DTWD2: variants seen among roughly 807,000 people sequenced by gnomAD.
DTWD2 encodes DTW motif tRNA-uridine aminocarboxypropyltransferase 2, also known as tRNA-uridine aminocarboxypropyltransferase 2.
A neutral mutation model predicts 31.8 loss-of-function variants in DTWD2; 39 were observed. That is an observed-to-expected ratio of 1.22 (90% confidence interval 0.95 to 1.60). The LOEUF is 1.60. Ranked by LOEUF, DTWD2 falls within the 40% of genes most tolerant of loss-of-function variation. The pLI, the probability that DTWD2 is intolerant of heterozygous loss-of-function variation, is 0.00. For synonymous variants in DTWD2, 180 were observed against 142.8 expected (o/e 1.26, Z -1.86); for missense variants, 515 against 381.5 (o/e 1.35, Z -2.92).
chr5:118,960,783 T>A (rs1754688034), intron 1 of DTWD2, among the ~76,000 whole-genome samples: 1 of 151,874 alleles, frequency 6.6e-6, no homozygotes, highest in Non-Finnish European at 1.5e-5. Context: ...TAGAGCAACA[T>A]GGAGCTGGAG....
intron 1 of DTWD2, among the ~76,000 whole-genome samples, chr5:118,976,629 C>A (rs2149601808): frequency 6.6e-6 from 1 of 152,220 alleles, no homozygotes; most frequent in East Asian, 1.9e-4. Flanking sequence ...ACCCTCCCAA[C>A]ACTAAACTAG....
At chr5:118,861,381 A>G (rs897314304) in intron 4 of DTWD2, among the ~76,000 whole-genome samples, 2 of 152,240 alleles carry the variant, frequency 1.3e-5, no homozygotes, top group African/African-American at 4.8e-5. Flanking sequence ...AACAGTGCTG[A>G]AAGCAGGTAC....
At chr5:118,851,700 G>C in intron 4 of DTWD2, among the ~76,000 whole-genome samples, 1 of 108,480 alleles carries the variant, frequency 9.2e-6, no homozygotes, top group Non-Finnish European at 1.8e-5. Flanking sequence ...GGGGTGGGGG[G>C]AGGGGGGAGG....
At chr5:118,948,395 G>A (rs1754387029) in intron 1 of DTWD2, among the ~76,000 whole-genome samples, 1 of 152,098 alleles carries the variant, frequency 6.6e-6, no homozygotes, top group Non-Finnish European at 1.5e-5. Flanking sequence ...GCCAGGGAAT[G>A]GCATGAACCC....
intron 4 of DTWD2, among the ~76,000 whole-genome samples, chr5:118,905,607 T>TA (rs1255442863): frequency 6.6e-6 from 1 of 152,182 alleles, no homozygotes; most frequent in African/African-American, 2.4e-5. Context: ...AACCCATATC[T>TA]AAAAAACTCT....
chr5:118,898,126 A>AGG (rs1423427698), intron 4 of DTWD2, among the ~76,000 whole-genome samples: 1 of 152,048 alleles, frequency 6.6e-6, no homozygotes, highest in Non-Finnish European at 1.5e-5. Flanking sequence ...TGACCTCCCA[A>AGG]AGTGCTGAGA....
chr5:118,976,869 C>T (rs1470509833), intron 1 of DTWD2, among the ~76,000 whole-genome samples: 6 of 152,076 alleles, frequency 3.9e-5, no homozygotes, highest in Non-Finnish European at 8.8e-5. Context: ...CAAAACCTGG[C>T]AGAGATACAA....
intron 1 of DTWD2, among the ~76,000 whole-genome samples, chr5:118,958,500 G>C (rs1423306710): frequency 6.7e-6 from 1 of 149,902 alleles, no homozygotes; most frequent in East Asian, 1.9e-4. Flanking sequence ...AAGACCACTG[G>C]CTAGACTAAT....
intron 2 of DTWD2, among the ~76,000 whole-genome samples, chr5:118,942,438 A>C (rs77346492): frequency 0.025 from 3,754 of 152,268 alleles, 169 homozygotes; most frequent in African/African-American, 0.085. Flanking sequence ...TCTGTAGCAC[A>C]CACAGTGATG....
At chr5:118,916,560 G>A (rs1227121433) in intron 4 of DTWD2, among the ~76,000 whole-genome samples, 1 of 151,758 alleles carries the variant, frequency 6.6e-6, no homozygotes, top group Non-Finnish European at 1.5e-5. Flanking sequence ...AGCTACTTGG[G>A]AGGTTGAGGC....
intron 1 of DTWD2, among the ~76,000 whole-genome samples, chr5:118,972,125 G>A (rs573178218): frequency 6.6e-6 from 1 of 152,198 alleles, no homozygotes; most frequent in East Asian, 1.9e-4. Context: ...CAAGATCAGA[G>A]CATAACTGAA....
intron 4 of DTWD2, among the ~76,000 whole-genome samples, chr5:118,919,963 G>A (rs903191328): frequency 1.3e-5 from 2 of 151,600 alleles, no homozygotes; most frequent in Non-Finnish European, 2.9e-5. Context: ...CCACCAATTA[G>A]TCTCCTTTCT....
chr5:118,955,348 C>T (rs570864571), intron 1 of DTWD2, among the ~76,000 whole-genome samples: 2 of 152,282 alleles, frequency 1.3e-5, no homozygotes, highest in Admixed American at 6.5e-5. Flanking sequence ...CTTTCCTCCC[C>T]GACAATGCTC....
intron 1 of DTWD2, among the ~76,000 whole-genome samples, chr5:118,956,099 G>A (rs1362450390): frequency 1.3e-5 from 2 of 152,062 alleles, no homozygotes; most frequent in Admixed American, 6.6e-5. Context: ...GAACAAAACT[G>A]GTAACAATAA....
chr5:118,981,062 C>A (rs1755288274), intron 1 of DTWD2, among the ~76,000 whole-genome samples: 1 of 152,066 alleles, frequency 6.6e-6, no homozygotes, highest in Non-Finnish European at 1.5e-5. Context: ...CATGGATGGA[C>A]CTTGAAAACA....
At chr5:118,876,371 T>C (rs539685007) in intron 4 of DTWD2, among the ~76,000 whole-genome samples, 3 of 151,734 alleles carry the variant, frequency 2.0e-5, no homozygotes, top group Non-Finnish European at 4.4e-5. Context: ...TGAAGGAGGC[T>C]AAGACATGAA....
In DTWD2 at chr5:118,837,879, A is replaced by G. The variant is rs1751608038; in HGVS notation, c.*3038T>C. 6.6e-6 allele frequency: 1 copy of G among 152,190 alleles called. No individual in the cohort carries two copies. Among genetic ancestry groups the G allele is most frequent in the African/African-American group, 2.4e-5 (1 of 41,434 alleles). 9.4% of individuals were successfully genotyped at this position (152,190 alleles called of 1,614,324 possible). ...TGCTGCAGTAAGCTATGATTACACC[A>G]CTGCACTCCAAACTGGGTGACAGAA... On this transcript the variant is annotated 3_prime_UTR_variant, in exon 6 of 6. Transcript: ENST00000510708.
intron 4 of DTWD2, among the ~76,000 whole-genome samples, chr5:118,899,189 G>C (rs930699966): frequency 6.6e-6 from 1 of 152,182 alleles, no homozygotes; most frequent in Non-Finnish European, 1.5e-5. Flanking sequence ...CTGAAGTGCT[G>C]TCTAGAGTTC....
chr5:118,927,520 G>C (rs1247763425), intron 4 of DTWD2, among the ~76,000 whole-genome samples: 1 of 152,044 alleles, frequency 6.6e-6, no homozygotes, highest in Non-Finnish European at 1.5e-5. Context: ...GTATGTGTGT[G>C]TGTCTATGTC....
Sources: gnomAD v4.1 joint callset for allele counts (sites outside exome capture counted in the v4.1 genomes callset) on GRCh38, gnomAD v4.1.1 for gene constraint, MANE v1.5 for transcripts, NCBI Gene and HGNC (gene_info 2026-07-23, HGNC 2026-07-21) for gene names.